The following RIF1 variants were observed in gnomAD, a reference collection of about 807,000 sequenced individuals.
The protein encoded by RIF1 is telomere-associated protein RIF1.
RIF1 carries 45 observed loss-of-function variants against 247.1 expected under a neutral mutation model. The ratio of observed to expected loss-of-function variants is 0.18; its 90% CI spans 0.14 to 0.23. The LOEUF (loss-of-function observed/expected upper bound fraction) is 0.23, where lower values mean the gene tolerates loss of function less well. Among genes scored for constraint, RIF1 ranks in the 10% least tolerant of loss-of-function variants. The pLI is 1.00. For missense variants in RIF1, 2,967 were observed against 2,862.5 expected, an observed-to-expected ratio of 1.04 and a Z score of -0.83; for synonymous variants, 1,087 against 978.8, an observed-to-expected ratio of 1.11 and a Z score of -2.06.
At chr2:151,462,013 G>A (rs1432643617) in intron 27 of RIF1, among the ~76,000 whole-genome samples, 2 of 151,968 alleles carry the variant, frequency 1.3e-5, no homozygotes, top group Non-Finnish European at 2.9e-5. Context: ...AGCTGGGACT[G>A]CAGATGCACG....
intron 30 of RIF1, among the ~76,000 whole-genome samples, chr2:151,467,251 A>G (rs146935269): frequency 1.3e-5 from 2 of 152,268 alleles, no homozygotes; most frequent in African/African-American, 2.4e-5. Flanking sequence ...TGTTCTTTCA[A>G]AATCCCTGTT....
chr2:151,469,929 T>G, intron 34 of RIF1, 65 bp downstream of exon 34: 1 of 1,253,802 alleles, frequency 8.0e-7, no homozygotes. Context: ...GTTACAGAAG[T>G]TTGTTAAAAG....
At chr2:151,501,772 A>G (rs16830117) in intron 11 of RIF1, among the ~76,000 whole-genome samples, 2,257 of 152,180 alleles carry the variant, frequency 0.015, 81 homozygotes, top group East Asian at 0.14. Context: ...ATAGCATTCA[A>G]ACTAATTGAA....
downstream of RIF1, among the ~76,000 whole-genome samples, chr2:151,509,318 G>A (rs1452642342): frequency 7.2e-6 from 1 of 139,138 alleles, no homozygotes; most frequent in East Asian, 2.2e-4. Context: ...TAGCTATGTA[G>A]ATGTAAGGAA....
In RIF1 at chr2:151,481,912, T is replaced by C. The variant is rs2049184419; in HGVS notation, c.*6841T>C. 1 of 152,220 alleles carries C rather than the reference T, an allele frequency of 6.6e-6. No homozygotes were observed. 9.4% of individuals were successfully genotyped at this position (152,220 alleles called of 1,614,324 possible). On this transcript the variant is annotated 3_prime_UTR_variant, in exon 36 of 36. Transcript: ENST00000444746. Reference sequence around the variant, plus strand: ...ACCCCAACACCTGTGTCTGTGGAAATTGTCTCCACGAAACCGGTCCCTGTT... The same window carrying C: ...ACCCCAACACCTGTGTCTGTGGAAACTGTCTCCACGAAACCGGTCCCTGTT...
In RIF1 at chr2:151,491,760, C is replaced by T. The variant is rs796797375; in HGVS notation, c.*416-3469C>T. ...GTCAAAAACCGAACCAGGATTAGTA[C>T]GCCAGACACGTAAACCTGAAAGGGA... On this transcript the variant is annotated intron_variant and NMD_transcript_variant, in intron 9 of 13. Coordinates refer to the RIF1 transcript ENST00000454583. 1.4e-5 allele frequency: 23 copies of T among 1,589,138 alleles called. No homozygotes were observed. The highest frequency in any genetic ancestry group is 8.8e-5 in the Admixed American group (5 of 56,508).
At chr2:151,426,466 G>A (rs755470522) in intron 8 of RIF1, among the ~76,000 whole-genome samples, 1 of 151,804 alleles carries the variant, frequency 6.6e-6, no homozygotes, top group Non-Finnish European at 1.5e-5. Flanking sequence ...GAGCCACCAC[G>A]CCTGGCTGTT....
At chr2:151,462,758 A>G (rs575076369) in intron 29 of RIF1, 126 bp from the exon 30 acceptor site, 16 of 675,594 alleles carry the variant, frequency 2.4e-5, no homozygotes, top group African/African-American at 2.2e-4. Context: ...AATAGTTGCC[A>G]TATATTGAAT....
At chr2:151,506,425 TCAGAC>T in intron 13 of RIF1, 1 of 599,432 alleles carries the variant, frequency 1.7e-6, no homozygotes, top group Non-Finnish European at 3.0e-6. Context: ...TATCAGTGAC[TCAGAC>T]CAGTTATACA....
At chr2:151,431,634 A>G (rs1690140360) in intron 9 of RIF1, among the ~76,000 whole-genome samples, 1 of 152,170 alleles carries the variant, frequency 6.6e-6, no homozygotes, top group Non-Finnish European at 1.5e-5. Flanking sequence ...CTAAAAATAC[A>G]AAGTTGGACG....
At chr2:151,491,598 G>T in intron 9 of RIF1, 1 of 1,145,536 alleles carries the variant, frequency 8.7e-7, no homozygotes. Flanking sequence ...TGGAGGGAAG[G>T]AACTTCAGAG....
chr2:151,428,989 T>C, intron 9 of RIF1, 67 bp downstream of exon 9: 1 of 1,022,482 alleles, frequency 9.8e-7, no homozygotes, highest in Non-Finnish European at 1.4e-6. Context: ...ATAAATGAAG[T>C]TTTTCTGGTT....
chr2:151,416,590 T>A lies in RIF1; in HGVS notation c.310T>A (p.Leu104Met), dbSNP rs758989033. ...EANALELLSK[L>M]NDTIKNSDKN... ...AAATGCTCTAGAATTGCTTTCAAAATTGAATGATACCATTAAGAATTCAGA... is the reference window on the plus strand; with the variant it reads ...AAATGCTCTAGAATTGCTTTCAAAAATGAATGATACCATTAAGAATTCAGA... Residue 104 changes from leucine (L) to methionine (M), a missense_variant, in exon 5 of 36, where the codon TTG (leucine) becomes ATG (methionine). Physicochemically the swap from Leu to Met is conservative, Grantham distance 15. This residue lies in a region of RIF1 where 269 missense variants were observed against 288.6 expected (regional missense o/e 0.93). Transcript: ENST00000444746. 50 of 1,602,648 alleles carry A rather than the reference T, an allele frequency of 3.1e-5. No homozygotes were observed. The South Asian group carries it at 5.5e-4, about 18-fold the overall frequency.
intron 3 of RIF1, among the ~76,000 whole-genome samples, chr2:151,414,097 G>A (rs1395976372): frequency 6.6e-6 from 1 of 152,152 alleles, no homozygotes. Flanking sequence ...TGGATCACCT[G>A]AGGTCAGGAG....
chr2:151,416,865 C>T lies in RIF1; in HGVS notation c.467C>T (p.Ala156Val). ...ILFNKGETHS[A>V]VVDFEALNVI... ...TTTAACAAAGGAGAGACGCATTCTG[C>T]TGTTGTTGATTTTGAAGCATTAAAT... Residue 156 changes from alanine to valine, a missense_variant, in exon 6 of 36, where the codon GCT becomes GTT. Around this residue, in one of 7 missense-constraint regions of RIF1, gnomAD observed 269 missense variants for 288.6 expected, o/e 0.93. Coordinates refer to ENST00000444746, the MANE Select transcript of RIF1 (RefSeq NM_018151.5). 6.2e-7 allele frequency: 1 copy of T among 1,612,506 alleles called. No individual in the cohort carries two copies. The highest frequency in any genetic ancestry group is 8.5e-7 in the Non-Finnish European group (1 of 1,178,984).
intron 10 of RIF1, among the ~76,000 whole-genome samples, chr2:151,434,921 T>C (rs1214277706): frequency 2.0e-5 from 3 of 152,190 alleles, no homozygotes; most frequent in East Asian, 1.9e-4. Flanking sequence ...GGAGGACTTA[T>C]AAATATACTT....
At chr2:151,485,818 G>A, downstream of RIF1, 2 of 1,614,090 alleles carry the variant, frequency 1.2e-6, no homozygotes, top group Non-Finnish European at 1.7e-6. Context: ...CCTCTGCACA[G>A]TGCCATACAT....
At chr2:151,415,646 G>A (rs1003334799) in intron 4 of RIF1, among the ~76,000 whole-genome samples, 1 of 151,448 alleles carries the variant, frequency 6.6e-6, no homozygotes, top group Non-Finnish European at 1.5e-5. Context: ...GGCCGAGGCG[G>A]GTGGATCACC....
chr2:151,434,385 TTAACC>T (rs1690749849), intron 10 of RIF1, among the ~76,000 whole-genome samples: 1 of 152,054 alleles, frequency 6.6e-6, no homozygotes, highest in Non-Finnish European at 1.5e-5. Flanking sequence ...AAGTTTAATC[TTAACC>T]TAAACCTTTT....
Sources: allele counts gnomAD v4.1 joint callset (sites outside exome capture counted in the v4.1 genomes callset), GRCh38; gene constraint gnomAD v4.1.1; regional missense constraint gnomAD v4.1.1; transcripts MANE v1.5; gene names NCBI Gene and HGNC (gene_info 2026-07-23, HGNC 2026-07-21).